Variants in NMRK1 observed in about 807,000 individuals in gnomAD.
NMRK1 encodes NRK 1.
NMRK1 carries 28 observed loss-of-function variants against 29.9 expected under a neutral mutation model. That is an observed-to-expected ratio of 0.94 (90% CI 0.69 to 1.28). The LOEUF (loss-of-function observed/expected upper bound fraction) is 1.28, where lower values mean the gene tolerates loss of function less well. Among genes scored for constraint, NMRK1 ranks in the 50% most tolerant of loss-of-function variants. The probability of loss-of-function intolerance (pLI) is 0.00; values close to 1 mark genes in which losing one functional copy is unlikely to be tolerated. For missense variants in NMRK1, 218 were observed against 233.1 expected (o/e 0.94, Z 0.42); for synonymous variants, 58 against 73.0 (o/e 0.79, Z 1.05).
chr9:75,066,241 TG>T (rs1366882324), intron 8 of NMRK1: 1 of 518,358 alleles, frequency 1.9e-6, no homozygotes, highest in Non-Finnish European at 3.9e-6. Flanking sequence ...GTCTTTCTGC[TG>T]TAGCCATATT....
chr9:75,076,317 G>A (rs1346126430), intron 4 of NMRK1, among the ~76,000 whole-genome samples: 2 of 152,166 alleles, frequency 1.3e-5, no homozygotes, highest in Non-Finnish European at 2.9e-5. Flanking sequence ...AATGAAATAA[G>A]TCAGGCATAG....
chr9:75,086,955 G>C (rs1437056496), intron 1 of NMRK1, among the ~76,000 whole-genome samples: 1 of 149,558 alleles, frequency 6.7e-6, no homozygotes, highest in Non-Finnish European at 1.5e-5. Flanking sequence ...TGCCAGGCTG[G>C]AGTGCAGTGG....
chr9:75,078,646 T>C lies in NMRK1; in HGVS notation c.30-1066A>G, dbSNP rs923742681. ...GAAAAAAATTATACCTTTATTTTCA[T>C]TGAATTCTGACAGAAATTTAGCATC... On this transcript the variant is annotated intron_variant, in intron 2 of 8. Coordinates refer to ENST00000361092, the MANE Select transcript of NMRK1 (RefSeq NM_017881.3). 14 of 877,046 alleles carry C rather than the reference T, an allele frequency of 1.6e-5. No individual in the cohort carries two copies. The East Asian group carries it at 1.7e-4, about 11-fold the overall frequency. The allele number at this position is 877,046 out of a possible 1,614,324, so 54.3% of individuals were successfully genotyped here.
At chr9:75,069,289 T>C (rs1210548204) in intron 6 of NMRK1, 187 bp from the exon 7 acceptor site, 2 of 551,012 alleles carry the variant, frequency 3.6e-6, no homozygotes, top group Non-Finnish European at 6.5e-6. Context: ...TTCTTTGATA[T>C]TAAAATTAAC....
chr9:75,071,741 A>T (rs1299247105), intron 4 of NMRK1, among the ~76,000 whole-genome samples: 1 of 152,140 alleles, frequency 6.6e-6, no homozygotes, highest in Non-Finnish European at 1.5e-5. Flanking sequence ...TTGTGAGAAG[A>T]GGGCGTCAAG....
chr9:75,079,875 C>T (rs146044400), intron 2 of NMRK1, among the ~76,000 whole-genome samples: 295 of 152,300 alleles, frequency 1.9e-3, no homozygotes, highest in South Asian at 3.7e-3. Flanking sequence ...GTGTAGCTTG[C>T]GTGTGCTACC....
chr9:75,072,720 A>G (rs1358342171), intron 4 of NMRK1, among the ~76,000 whole-genome samples: 1 of 152,216 alleles, frequency 6.6e-6, no homozygotes, highest in Non-Finnish European at 1.5e-5. Flanking sequence ...TTACTTTTCA[A>G]ACATTTGGTT....
intron 4 of NMRK1, among the ~76,000 whole-genome samples, chr9:75,074,456 GGCTCACTATA>G (rs1823879187): frequency 1.3e-5 from 2 of 151,418 alleles, no homozygotes; most frequent in African/African-American, 4.9e-5. Flanking sequence ...GGCATATCTC[GGCTCACTATA>G]GCCTTTGCCT....
chr9:75,082,976 C>A, intron 2 of NMRK1, 111 bp downstream of exon 2: 1 of 806,494 alleles, frequency 1.2e-6, no homozygotes, highest in Non-Finnish European at 2.2e-6. Context: ...TCTGCTCTTC[C>A]CCAGGACTCT....
intron 1 of NMRK1, among the ~76,000 whole-genome samples, chr9:75,085,233 G>A (rs779623345): frequency 5.9e-5 from 9 of 152,306 alleles, no homozygotes; most frequent in Middle Eastern, 3.4e-3. Flanking sequence ...TAGCTTTAGC[G>A]ATTACTTGGT....
chr9:75,062,956 A>G (rs1823111500), intron 8 of NMRK1, among the ~76,000 whole-genome samples: 2 of 152,118 alleles, frequency 1.3e-5, no homozygotes, highest in Admixed American at 6.6e-5. Flanking sequence ...ACCTGAACCC[A>G]GAAGGTGGAG....
chr9:75,088,047 G>C lies in NMRK1; in HGVS notation c.-75C>G, dbSNP rs1242195833. The C allele has an allele frequency of 6.5e-6, 1 of 152,676 alleles. No homozygotes were observed. Among genetic ancestry groups the C allele is most frequent in the African/African-American group, 2.4e-5 (1 of 41,476 alleles). The allele number at this position is 152,676 out of a possible 1,614,324, so 9.5% of individuals were successfully genotyped here. On this transcript the variant is annotated 5_prime_UTR_variant, in exon 1 of 9. Transcript: ENST00000361092. The stretch of plus-strand genomic sequence containing the variant: ...AGTCCTCCCAAACACAGCGGCAGAG[G>C]CGACAGCCAAGCGCGCGCCTGTACC...
chr9:75,065,294 C>A (rs917781456), intron 8 of NMRK1, among the ~76,000 whole-genome samples: 1 of 152,070 alleles, frequency 6.6e-6, no homozygotes, highest in South Asian at 2.1e-4. Context: ...CTCAGCCTCC[C>A]GGGTAGCTGG....
intron 3 of NMRK1, 55 bp downstream of exon 3, chr9:75,077,435 G>A (rs976287620): frequency 8.1e-7 from 1 of 1,232,940 alleles, no homozygotes; most frequent in Non-Finnish European, 1.2e-6. Flanking sequence ...TTCAATTAAC[G>A]TGGTGGTTAA....
At chr9:75,075,363 A>G (rs1296822492) in intron 4 of NMRK1, among the ~76,000 whole-genome samples, 1 of 148,906 alleles carries the variant, frequency 6.7e-6, no homozygotes, top group Non-Finnish European at 1.5e-5. Context: ...GAAAAAAAAA[A>G]TGATCCTGGC....
intron 1 of NMRK1, among the ~76,000 whole-genome samples, chr9:75,086,559 G>T (rs1209536738): frequency 2.0e-5 from 3 of 151,944 alleles, no homozygotes; most frequent in East Asian, 1.9e-4. Context: ...AATAATTCAG[G>T]TGTGTTTATT....
chr9:75,063,880 T>G (rs758591869), intron 8 of NMRK1, among the ~76,000 whole-genome samples: 4 of 152,210 alleles, frequency 2.6e-5, no homozygotes, highest in Admixed American at 6.5e-5. Context: ...AAACAGTAAC[T>G]TATTTATGTA....
At chr9:75,079,920 G>C (rs1347446430) in intron 2 of NMRK1, among the ~76,000 whole-genome samples, 1 of 152,176 alleles carries the variant, frequency 6.6e-6, no homozygotes, top group Non-Finnish European at 1.5e-5. Flanking sequence ...CATGCATTCT[G>C]TCCTAGGATC....
intron 1 of NMRK1, among the ~76,000 whole-genome samples, chr9:75,084,983 T>C (rs10869495): frequency 0.4 from 61,540 of 152,050 alleles, 12,897 homozygotes; most frequent in Middle Eastern, 0.53. Context: ...CTTATTTTTT[T>C]GGTATGTCGG....
Sources: gnomAD v4.1 joint callset for allele counts (sites outside exome capture counted in the v4.1 genomes callset) on GRCh38, gnomAD v4.1.1 for gene constraint, MANE v1.5 for transcripts, NCBI Gene and HGNC (gene_info 2026-07-23, HGNC 2026-07-21) for gene names.